The following AGBL1 variants were observed in gnomAD, a reference collection of about 807,000 sequenced individuals.
AGBL1 encodes the protein AGBL carboxypeptidase 1, also known as cytosolic carboxypeptidase 4.
In AGBL1, 130 loss-of-function variants were observed where a neutral mutation model predicts 118.9. That is an observed-to-expected ratio of 1.09 (90% confidence interval 0.95 to 1.26). The LOEUF (loss-of-function observed/expected upper bound fraction) is 1.26. Ranked by LOEUF, AGBL1 falls within the 50% of genes most tolerant of loss-of-function variation. The pLI is 0.00. For missense variants in AGBL1, 1,584 were observed against 1,298.1 expected, an observed-to-expected ratio of 1.22 and a Z score of -3.38; for synonymous variants, 555 against 478.9, an observed-to-expected ratio of 1.16 and a Z score of -2.08.
intron 17 of AGBL1, among the ~76,000 whole-genome samples, chr15:86,386,580 T>A (rs986707463): frequency 1.7e-4 from 26 of 151,936 alleles, no homozygotes; most frequent in Non-Finnish European, 8.8e-5. Context: ...ATTTCATTTC[T>A]TTAACTGGCC....
chr15:86,486,217 T>G (rs1049194346), intron 18 of AGBL1, among the ~76,000 whole-genome samples: 32 of 152,256 alleles, frequency 2.1e-4, no homozygotes, highest in African/African-American at 7.7e-4. Context: ...CTATAAGGCT[T>G]CATGATTCCT....
At chr15:86,867,158 T>C (rs139140790) in intron 22 of AGBL1, among the ~76,000 whole-genome samples, 1 of 152,124 alleles carries the variant, frequency 6.6e-6, no homozygotes, top group African/African-American at 2.4e-5. Flanking sequence ...TTTATCCTTT[T>C]CTTGGGGGTG....
chr15:86,460,647 A>G (rs936917496), intron 18 of AGBL1, among the ~76,000 whole-genome samples: 9 of 152,192 alleles, frequency 5.9e-5, no homozygotes, highest in African/African-American at 2.2e-4. Context: ...AGTTTAACAT[A>G]CACCACGGGA....
intron 22 of AGBL1, among the ~76,000 whole-genome samples, chr15:86,895,481 T>A (rs2080112502): frequency 6.6e-6 from 1 of 151,950 alleles, no homozygotes. Context: ...CTATAGTAGT[T>A]CTTTTTAGCA....
intron 17 of AGBL1, among the ~76,000 whole-genome samples, chr15:86,343,898 C>G (rs2080497947): frequency 6.6e-6 from 1 of 152,184 alleles, no homozygotes; most frequent in South Asian, 2.1e-4. Context: ...GGCCTCTGAG[C>G]TGCCTTTCCC....
At chr15:86,846,681 G>A (rs1013364941) in intron 22 of AGBL1, among the ~76,000 whole-genome samples, 3 of 152,134 alleles carry the variant, frequency 2.0e-5, no homozygotes, top group South Asian at 2.1e-4. Context: ...ACACGTGTGC[G>A]CCATCATACC....
chr15:86,640,195 T>TTTAA (rs1327256764), intron 21 of AGBL1, among the ~76,000 whole-genome samples: 1 of 152,156 alleles, frequency 6.6e-6, no homozygotes, highest in African/African-American at 2.4e-5. Context: ...ACCACCAGGA[T>TTTAA]TTAAGCTCAA....
At chr15:86,890,796 G>T (rs2080041955) in intron 22 of AGBL1, among the ~76,000 whole-genome samples, 1 of 152,118 alleles carries the variant, frequency 6.6e-6, no homozygotes, top group Admixed American at 6.5e-5. Flanking sequence ...CTGTAGCCTT[G>T]TAGTATAGTT....
intron 21 of AGBL1, among the ~76,000 whole-genome samples, chr15:86,563,224 A>G (rs961802404): frequency 4.6e-5 from 7 of 151,602 alleles, no homozygotes; most frequent in African/African-American, 1.7e-4. Context: ...TAGTTCTTTC[A>G]ATTGTGATGT....
chr15:86,685,449 A>G (rs2086037273), intron 22 of AGBL1, among the ~76,000 whole-genome samples: 1 of 152,160 alleles, frequency 6.6e-6, no homozygotes, highest in Non-Finnish European at 1.5e-5. Context: ...ATTAGAGTCA[A>G]TAAGTTTATG....
intron 22 of AGBL1, among the ~76,000 whole-genome samples, chr15:86,906,261 A>T (rs1164334590): frequency 6.6e-6 from 1 of 152,232 alleles, no homozygotes; most frequent in African/African-American, 2.4e-5. Flanking sequence ...TATGCAAATG[A>T]GGGAGACATA....
At chr15:86,956,255 AGATAGATT>A (rs1320412032) in intron 23 of AGBL1, among the ~76,000 whole-genome samples, 5 of 151,268 alleles carry the variant, frequency 3.3e-5, no homozygotes, top group African/African-American at 1.2e-4. Context: ...ATAGATAGAT[AGATAGATT>A]AGATAGATGA....
At chr15:86,585,241 C>A (rs1483998044) in intron 21 of AGBL1, among the ~76,000 whole-genome samples, 1 of 151,970 alleles carries the variant, frequency 6.6e-6, no homozygotes, top group African/African-American at 2.4e-5. Flanking sequence ...TGTGCAAATG[C>A]CCCAGAATTT....
rs981980325 is a variant in AGBL1 at position 86,130,674 on chromosome 15, C to G, written c.52-11330C>G. 3.9e-5 allele frequency among the ~76,000 whole-genome samples: 6 copies of G among 152,206 alleles called. No individual in the cohort carries two copies. In the East Asian group the frequency reaches 5.8e-4, roughly 15 times the overall value. On this transcript the variant is annotated intron_variant, in intron 1 of 22. Transcript: ENST00000614907. Reference sequence around the variant, plus strand: ...TTGGTATAGATTTTTTTCTTTTTCACTGTCATGCATTCCAAATTCAGTTTT... The same window carrying G: ...TTGGTATAGATTTTTTTCTTTTTCAGTGTCATGCATTCCAAATTCAGTTTT...
At chr15:86,841,173 C>G (rs2079239767) in intron 22 of AGBL1, among the ~76,000 whole-genome samples, 1 of 152,126 alleles carries the variant, frequency 6.6e-6, no homozygotes, top group South Asian at 2.1e-4. Context: ...TTTGGCAGCT[C>G]CCCTTTAACT....
intron 17 of AGBL1, among the ~76,000 whole-genome samples, chr15:86,313,990 A>G (rs771813311): frequency 3.9e-5 from 6 of 152,252 alleles, no homozygotes; most frequent in African/African-American, 2.4e-5. Flanking sequence ...GAGCCCTACT[A>G]AATGAGATGG....
intron 22 of AGBL1, among the ~76,000 whole-genome samples, chr15:86,869,122 A>T (rs115274268): frequency 2.0e-5 from 3 of 152,248 alleles, no homozygotes; most frequent in African/African-American, 7.2e-5. Context: ...ACTAAACTCT[A>T]TGAAACTGTG....
chr15:86,994,087 C>T (rs561157756), intron 24 of AGBL1, among the ~76,000 whole-genome samples: 118 of 152,228 alleles, frequency 7.8e-4, no homozygotes, highest in Middle Eastern at 3.4e-3. Flanking sequence ...AAGAACTCAA[C>T]TTCAGTCCTA....
intron 17 of AGBL1, among the ~76,000 whole-genome samples, chr15:86,301,646 GTGTGTGTGTGT>G (rs2079747707): frequency 5.2e-4 from 2 of 3,842 alleles, no homozygotes; most frequent in African/African-American, 3.5e-3. Context: ...TACAGGGTGT[GTGTGTGTGTGT>G]GTGTGTGTGT....
Sources: gnomAD v4.1 joint callset for allele counts (sites outside exome capture counted in the v4.1 genomes callset) on GRCh38, gnomAD v4.1.1 for gene constraint, MANE v1.5 for transcripts, NCBI Gene and HGNC (gene_info 2026-07-23, HGNC 2026-07-21) for gene names.